ART3: variants seen among roughly 807,000 people sequenced by gnomAD.
ART3 encodes the protein ADP-ribosyltransferase 3 (inactive).
ART3 carries 49 observed loss-of-function variants against 48.5 expected under a neutral mutation model. The ratio of observed to expected loss-of-function variants is 1.01; its 90% CI spans 0.80 to 1.28. The LOEUF (loss-of-function observed/expected upper bound fraction) is 1.28, where lower values mean the gene tolerates loss of function less well. Among genes scored for constraint, ART3 ranks in the 50% most tolerant of loss-of-function variants. The pLI is 0.00. For synonymous variants in ART3, 145 were observed against 157.2 expected, an observed-to-expected ratio of 0.92 and a Z score of 0.58; for missense variants, 438 against 454.3, an observed-to-expected ratio of 0.96 and a Z score of 0.33.
At chr4:76,044,795 G>A (rs948605488) in intron 1 of ART3, among the ~76,000 whole-genome samples, 15 of 151,756 alleles carry the variant, frequency 9.9e-5, no homozygotes, top group Middle Eastern at 3.4e-3. Context: ...TCTGCCAGCC[G>A]CTTATGCTGC....
chr4:76,107,320 G>A (rs1360634902), intron 10 of ART3: 1 of 152,708 alleles, frequency 6.5e-6, no homozygotes, highest in East Asian at 1.9e-4. Flanking sequence ...TTTTATGCAT[G>A]GCATTCCTCA....
intron 1 of ART3, among the ~76,000 whole-genome samples, chr4:76,037,802 A>G (rs1734577802): frequency 6.6e-6 from 1 of 152,132 alleles, no homozygotes; most frequent in African/African-American, 2.4e-5. Context: ...ACTTTCTTTC[A>G]AGAATTTTCT....
chr4:76,036,974 G>A (rs1445656813), intron 1 of ART3: 2 of 179,624 alleles, frequency 1.1e-5, no homozygotes, highest in East Asian at 1.7e-4. Flanking sequence ...TTGGTCAGGC[G>A]CCCACAGTGG....
chr4:76,047,983 G>A lies in ART3; in HGVS notation c.-9-27898G>A, dbSNP rs527657770. 2.6e-5 allele frequency among the ~76,000 whole-genome samples: 4 copies of A among 152,008 alleles called. No individual in the cohort carries two copies. In the East Asian group the frequency reaches 5.8e-4, roughly 22 times the overall value. The stretch of plus-strand genomic sequence containing the variant: ...GAGGGAGAAGGGGACAGGTACCCGG[G>A]TTGGGCCAAATTCCCCTCCCCCTAC... On this transcript the variant is annotated intron_variant, in intron 1 of 9. Transcript: ENST00000341029.
At chr4:76,022,117 G>A (rs1362628479) in intron 1 of ART3, among the ~76,000 whole-genome samples, 1 of 152,186 alleles carries the variant, frequency 6.6e-6, no homozygotes, top group Non-Finnish European at 1.5e-5. Flanking sequence ...AAGACTTGGG[G>A]AAAATGTTGT....
chr4:76,041,200 T>C (rs1468258001), intron 1 of ART3: 1 of 152,238 alleles, frequency 6.6e-6, no homozygotes, highest in Non-Finnish European at 1.5e-5. Context: ...TTTGTAGATG[T>C]GTGGGGTCAG....
At chr4:76,095,708 G>A (rs904128555) in intron 3 of ART3, among the ~76,000 whole-genome samples, 1 of 152,182 alleles carries the variant, frequency 6.6e-6, no homozygotes, top group African/African-American at 2.4e-5. Flanking sequence ...AGGTGATTCT[G>A]AAGTATGTGG....
chr4:76,043,544 T>C (rs963006241), intron 1 of ART3, among the ~76,000 whole-genome samples: 3 of 152,102 alleles, frequency 2.0e-5, no homozygotes. Flanking sequence ...AAGCCCCTCA[T>C]TGCCCGGGGC....
chr4:76,065,572 C>CACACACACACAA (rs1320916356), intron 1 of ART3, among the ~76,000 whole-genome samples: 1 of 151,848 alleles, frequency 6.6e-6, no homozygotes, highest in African/African-American at 2.4e-5. Context: ...CACACACACA[C>CACACACACACAA]ACACACTCGT....
upstream of ART3, among the ~76,000 whole-genome samples, chr4:76,073,735 T>C (rs1251857315): frequency 6.6e-6 from 1 of 152,226 alleles, no homozygotes; most frequent in Non-Finnish European, 1.5e-5. Flanking sequence ...TGACCACTAT[T>C]CTGACTTCTC....
chr4:76,083,353 T>G (rs562035476), intron 3 of ART3, among the ~76,000 whole-genome samples: 13 of 152,316 alleles, frequency 8.5e-5, no homozygotes, highest in African/African-American at 2.6e-4. Context: ...TATTTCTTGG[T>G]TTTTAAATCT....
At chr4:76,019,805 A>G (rs898260069) in intron 1 of ART3, among the ~76,000 whole-genome samples, 14 of 151,852 alleles carry the variant, frequency 9.2e-5, no homozygotes, top group Admixed American at 1.3e-4. Context: ...GTATATACAT[A>G]GTAGTAGAAT....
intron 1 of ART3, among the ~76,000 whole-genome samples, chr4:76,015,033 A>G (rs1732137507): frequency 6.6e-6 from 1 of 152,170 alleles, no homozygotes. Context: ...TTACTAGTAG[A>G]CTTGCTCTAC....
chr4:76,035,933 C>A, intron 1 of ART3: 1 of 1,613,078 alleles, frequency 6.2e-7, no homozygotes, highest in South Asian at 1.1e-5. Flanking sequence ...ATACCTTGAA[C>A]AACTGTAGCA....
At chr4:76,086,916 C>G (rs1723719570) in intron 3 of ART3, among the ~76,000 whole-genome samples, 1 of 152,132 alleles carries the variant, frequency 6.6e-6, no homozygotes, top group Admixed American at 6.5e-5. Context: ...CCATGGAAAT[C>G]AGAAAACACT....
At chr4:76,105,634 T>C (rs1728306159) in intron 10 of ART3, 7 of 1,237,902 alleles carry the variant, frequency 5.7e-6, no homozygotes, top group Non-Finnish European at 7.3e-6. Flanking sequence ...TTCAGTCTTA[T>C]GGGGTCTGGG....
rs772317090 is a variant in ART3 at position 76,035,266 on chromosome 4, C to A, written c.-10+23946C>A. The A allele has an allele frequency of 2.5e-6, 4 of 1,614,084 alleles. No homozygotes were observed. The East Asian group carries it at 8.9e-5, about 36-fold the overall frequency. On this transcript the variant is annotated intron_variant, in intron 1 of 9. Transcript: ENST00000341029. ...TACTTGGGTACATTATGGAGGCTTT[C>A]TCAATATCTGCCACTTTCACTGCTT... is the stretch of plus-strand genomic sequence containing the variant.
chr4:76,069,001 A>G (rs578205334), intron 1 of ART3, among the ~76,000 whole-genome samples: 7 of 152,326 alleles, frequency 4.6e-5, no homozygotes, highest in South Asian at 2.1e-4. Flanking sequence ...CATCACTGCA[A>G]TCATTTTTAG....
intron 11 of ART3, among the ~76,000 whole-genome samples, chr4:76,109,944 C>A (rs1486674092): frequency 2.0e-5 from 3 of 151,978 alleles, no homozygotes; most frequent in Admixed American, 2.0e-4. Flanking sequence ...AGTGGTGATC[C>A]CATTTGGATA....
Sources: gnomAD v4.1 joint callset for allele counts (sites outside exome capture counted in the v4.1 genomes callset) on GRCh38, gnomAD v4.1.1 for gene constraint, MANE v1.5 for transcripts, NCBI Gene and HGNC (gene_info 2026-07-23, HGNC 2026-07-21) for gene names.